NIPBL: variants seen among roughly 807,000 people sequenced by gnomAD.
NIPBL encodes the protein NIPBL cohesin loading factor.
In NIPBL, 19 loss-of-function variants were observed where a neutral mutation model predicts 321.8. That is an observed-to-expected ratio of 0.06 (90% confidence interval 0.04 to 0.09). The LOEUF (loss-of-function observed/expected upper bound fraction) is 0.09. NIPBL is among the 10% of genes least tolerant of loss of function. The pLI is 1.00. For missense variants in NIPBL, 2,210 were observed against 3,327.0 expected (o/e 0.66, Z 8.26); for synonymous variants, 1,106 against 1,114.1 (o/e 0.99, Z 0.14).
intron 1 of NIPBL, among the ~76,000 whole-genome samples, chr5:36,912,273 G>C (rs188143753): frequency 1.1e-4 from 16 of 152,312 alleles, no homozygotes; most frequent in African/African-American, 3.1e-4. Flanking sequence ...TGACACCTAA[G>C]TTAGAGAAGG....
intron 1 of NIPBL, chr5:36,885,158 G>T: frequency 2.1e-6 from 1 of 476,824 alleles, no homozygotes. Context: ...TGCTATTCAG[G>T]GTCAGCAAAG....
intron 24 of NIPBL, among the ~76,000 whole-genome samples, chr5:37,017,499 G>T (rs1749125507): frequency 6.6e-6 from 1 of 151,876 alleles, no homozygotes; most frequent in East Asian, 1.9e-4. Flanking sequence ...AGATTGTTTT[G>T]TACTTTTGAA....
intron 46 of NIPBL, chr5:37,064,298 A>G (rs768199455): frequency 5.4e-5 from 75 of 1,389,170 alleles, no homozygotes; most frequent in Non-Finnish European, 6.9e-5. Flanking sequence ...ATAATTTTAT[A>G]TATCAATAAG....
At chr5:36,942,955 T>C (rs1352321106) in intron 1 of NIPBL, among the ~76,000 whole-genome samples, 1 of 152,172 alleles carries the variant, frequency 6.6e-6, no homozygotes, top group African/African-American at 2.4e-5. Flanking sequence ...GACTGTAGTA[T>C]TTTGTACCTA....
chr5:36,988,720 T>C (rs942788386), intron 10 of NIPBL, among the ~76,000 whole-genome samples: 1 of 152,130 alleles, frequency 6.6e-6, no homozygotes, highest in Non-Finnish European at 1.5e-5. Flanking sequence ...AAGGAGTTAG[T>C]CTGAATACTG....
intron 44 of NIPBL, among the ~76,000 whole-genome samples, chr5:37,060,025 A>G (rs1333464182): frequency 6.6e-6 from 1 of 152,336 alleles, no homozygotes; most frequent in African/African-American, 2.4e-5. Context: ...TACCTGGTCA[A>G]TGGCCAACTG....
chr5:36,928,133 T>C (rs190548650), intron 1 of NIPBL, among the ~76,000 whole-genome samples: 119 of 152,324 alleles, frequency 7.8e-4, no homozygotes, highest in Admixed American at 3.0e-3. Context: ...CTTTTTCTTA[T>C]CTGTAAAACG....
chr5:37,041,253 T>TTTTTTG (rs1561200101), intron 34 of NIPBL, among the ~76,000 whole-genome samples: 1 of 77,178 alleles, frequency 1.3e-5, no homozygotes, highest in African/African-American at 8.2e-5. Flanking sequence ...TATGTGGTGG[T>TTTTTTG]TTTTTTTTTT....
At chr5:37,012,310 G>A (rs1267553269) in intron 21 of NIPBL, among the ~76,000 whole-genome samples, 1 of 147,680 alleles carries the variant, frequency 6.8e-6, no homozygotes, top group African/African-American at 2.6e-5. Flanking sequence ...CCACCATGCC[G>A]GGCTAATTTT....
chr5:36,969,969 C>CAAG (rs1365630701), intron 6 of NIPBL, among the ~76,000 whole-genome samples: 1 of 152,068 alleles, frequency 6.6e-6, no homozygotes, highest in African/African-American at 2.4e-5. Flanking sequence ...TCCTTATGTA[C>CAAG]AAGAACATAC....
chr5:36,998,371 T>TA (rs1470074269), intron 11 of NIPBL, among the ~76,000 whole-genome samples: 2 of 152,142 alleles, frequency 1.3e-5, no homozygotes, highest in African/African-American at 4.8e-5. Context: ...TGTGGATAGT[T>TA]ACCACCAATA....
At chr5:37,000,190 T>C (rs1429423926) in intron 11 of NIPBL, among the ~76,000 whole-genome samples, 183 bp from the exon 12 acceptor site, 2 of 152,164 alleles carry the variant, frequency 1.3e-5, no homozygotes, top group Non-Finnish European at 2.9e-5. Context: ...CTGGGTAGAT[T>C]GTGCTAAAAT....
At chr5:36,926,359 G>A (rs1749361382) in intron 1 of NIPBL, among the ~76,000 whole-genome samples, 1 of 152,142 alleles carries the variant, frequency 6.6e-6, no homozygotes, top group Non-Finnish European at 1.5e-5. Context: ...GAGGTTACTT[G>A]GAGGTATTCA....
chr5:36,961,078 C>G (rs1333579725), intron 4 of NIPBL, among the ~76,000 whole-genome samples: 1 of 151,976 alleles, frequency 6.6e-6, no homozygotes, highest in Non-Finnish European at 1.5e-5. Context: ...ATTAAGTTCC[C>G]AAGCATGAGA....
At chr5:36,960,526 T>C (rs1394364578) in intron 4 of NIPBL, among the ~76,000 whole-genome samples, 3 of 152,224 alleles carry the variant, frequency 2.0e-5, no homozygotes, top group African/African-American at 7.2e-5. Flanking sequence ...AATGGTAGAC[T>C]TAGAGGCGAT....
At chr5:37,029,878 T>C (rs567872552) in intron 32 of NIPBL, among the ~76,000 whole-genome samples, 1 of 152,230 alleles carries the variant, frequency 6.6e-6, no homozygotes, top group Admixed American at 6.5e-5. Context: ...TTACATGATA[T>C]ATTTGGCATC....
chr5:37,045,489 C>T lies in NIPBL; in HGVS notation c.6390C>T (p.Asn2130=), dbSNP rs141545751. ...GTCAACACCAAGAGGACCCAAATAA[C>T]ACTTCACTTCTAACAAACAAACCAG... ...LKSQHQEDPN[N]TSLLTNKPAL... The change falls in exon 37 of 47, where the codon AAC becomes AAT. Residue 2130 remains asparagine, a synonymous_variant. Coordinates refer to ENST00000282516, the MANE Select transcript of NIPBL (RefSeq NM_133433.4). The T allele has an allele frequency of 3.0e-4, 488 of 1,613,746 alleles. No homozygotes were observed. The highest frequency in any genetic ancestry group is 4.1e-4 in the Non-Finnish European group (478 of 1,179,862).
At chr5:37,024,454 A>T in intron 29 of NIPBL, 131 bp from the exon 30 acceptor site, 1 of 693,716 alleles carries the variant, frequency 1.4e-6, no homozygotes, top group Non-Finnish European at 2.4e-6. Context: ...AGCATGTAAA[A>T]AGCAAATATG....
chr5:37,024,457 C>A, intron 29 of NIPBL, 128 bp from the exon 30 acceptor site: 5 of 702,006 alleles, frequency 7.1e-6, no homozygotes, highest in African/African-American at 1.8e-5. Flanking sequence ...ATGTAAAAAG[C>A]AAATATGTCA....
Sources: allele counts gnomAD v4.1 joint callset (sites outside exome capture counted in the v4.1 genomes callset), GRCh38; gene constraint gnomAD v4.1.1; transcripts MANE v1.5; gene names NCBI Gene and HGNC (gene_info 2026-07-23, HGNC 2026-07-21).